KCND3: variants seen among roughly 807,000 people sequenced by gnomAD.
The protein encoded by KCND3 is A-type voltage-gated potassium channel KCND3.
Under a neutral mutation model 51.1 loss-of-function variants are expected in KCND3, and 9 were observed. The observed-to-expected ratio is 0.18, with a 90% confidence interval of 0.11 to 0.31. The LOEUF is 0.31. KCND3 is among the 10% of genes least tolerant of loss of function. KCND3 has a pLI of 1.00. For synonymous variants in KCND3, 349 were observed against 368.0 expected, an observed-to-expected ratio of 0.95 and a Z score of 0.59; for missense variants, 526 against 903.8, an observed-to-expected ratio of 0.58 and a Z score of 5.36.
intron 2 of KCND3, among the ~76,000 whole-genome samples, chr1:111,914,496 T>C (rs1671104586): frequency 6.6e-6 from 1 of 152,078 alleles, no homozygotes; most frequent in Admixed American, 6.6e-5. Context: ...TATAACCAAA[T>C]TGCTGAAAAC....
intron 2 of KCND3, among the ~76,000 whole-genome samples, chr1:111,810,191 G>C (rs1233202782): frequency 1.3e-5 from 2 of 152,018 alleles, no homozygotes; most frequent in South Asian, 4.1e-4. Flanking sequence ...CTGGGTGAGC[G>C]ACTGTGGCTC....
intron 2 of KCND3, among the ~76,000 whole-genome samples, chr1:111,971,569 A>C (rs1308535085): frequency 6.6e-6 from 1 of 151,660 alleles, no homozygotes; most frequent in African/African-American, 2.4e-5. Context: ...TCCCTGGCCA[A>C]TCTCATCTAT....
chr1:111,806,197 C>A (rs1665563333), intron 2 of KCND3, among the ~76,000 whole-genome samples: 2 of 152,206 alleles, frequency 1.3e-5, no homozygotes, highest in Non-Finnish European at 2.9e-5. Flanking sequence ...AAGGGGGGCA[C>A]ATCTTTTTCA....
chr1:111,971,087 G>A (rs1674301585), intron 2 of KCND3, among the ~76,000 whole-genome samples: 1 of 152,164 alleles, frequency 6.6e-6, no homozygotes, highest in Admixed American at 6.5e-5. Context: ...CAAGAACCAG[G>A]ACAGTGTCAC....
chr1:111,960,115 A>C (rs1413737270), intron 2 of KCND3, among the ~76,000 whole-genome samples: 2 of 152,076 alleles, frequency 1.3e-5, no homozygotes, highest in Non-Finnish European at 2.9e-5. Flanking sequence ...GCCATTCAGA[A>C]CTGTGAGTCA....
At chr1:111,908,253 T>C (rs563114608) in intron 2 of KCND3, among the ~76,000 whole-genome samples, 1 of 152,338 alleles carries the variant, frequency 6.6e-6, no homozygotes, top group African/African-American at 2.4e-5. Flanking sequence ...TCCTCACAAA[T>C]GCTTGCTTGT....
rs72694634 is a variant in KCND3 at position 111,963,489 on chromosome 1, T to C, written c.1106+18132A>G. Among the ~76,000 whole-genome samples, 790 of 152,364 alleles carry C rather than the reference T, an allele frequency of 5.2e-3. 7 individuals carry two copies. Among genetic ancestry groups the C allele is most frequent in the Non-Finnish European group, 7.0e-3 (475 of 68,036 alleles). ...ACCTGTAAAGTGGGGATGATAGTAATGCCTACTTGATAAGGGTTGCTGTGA... is the reference window on the plus strand; with the variant it reads ...ACCTGTAAAGTGGGGATGATAGTAACGCCTACTTGATAAGGGTTGCTGTGA... On this transcript the variant is annotated intron_variant, in intron 2 of 7. Coordinates refer to ENST00000302127, the MANE Select transcript of KCND3 (RefSeq NM_001378969.1).
At chr1:111,813,267 T>G (rs12401328) in intron 2 of KCND3, among the ~76,000 whole-genome samples, 12,415 of 152,200 alleles carry the variant, frequency 0.082, 876 homozygotes, top group African/African-American at 0.18. Flanking sequence ...AATTTCTGAT[T>G]CCAGCCTGAT....
At chr1:111,818,913 A>G (rs1436461450) in intron 2 of KCND3, among the ~76,000 whole-genome samples, 2 of 152,210 alleles carry the variant, frequency 1.3e-5, no homozygotes, top group Admixed American at 1.3e-4. Context: ...AGACCCAAGA[A>G]AAGAAAGAGG....
intron 2 of KCND3, among the ~76,000 whole-genome samples, chr1:111,850,108 C>T (rs1338385451): frequency 1.3e-5 from 2 of 152,200 alleles, no homozygotes; most frequent in Non-Finnish European, 1.5e-5. Flanking sequence ...CCACCTTTAA[C>T]TCTGTCCTTT....
intron 2 of KCND3, among the ~76,000 whole-genome samples, chr1:111,905,548 T>C (rs757385480): frequency 1.3e-5 from 2 of 152,094 alleles, no homozygotes; most frequent in Non-Finnish European, 2.9e-5. Flanking sequence ...CAGAACTCCC[T>C]GGGGGACAAT....
At chr1:111,936,129 A>G (rs1465523207) in intron 2 of KCND3, among the ~76,000 whole-genome samples, 1 of 152,232 alleles carries the variant, frequency 6.6e-6, no homozygotes, top group African/African-American at 2.4e-5. Flanking sequence ...TATGTATTTC[A>G]ATAATACTGC....
intron 2 of KCND3, among the ~76,000 whole-genome samples, chr1:111,844,810 C>T (rs1667476822): frequency 6.6e-6 from 1 of 152,192 alleles, no homozygotes; most frequent in South Asian, 2.1e-4. Context: ...CCTGTCAGAG[C>T]TAATCCTGCT....
rs1668722582 is a variant in KCND3, at chr1:111,869,143, A to T, written c.1107-82037T>A. On this transcript the variant is annotated intron_variant, in intron 2 of 7. Coordinates refer to ENST00000302127, the MANE Select transcript of KCND3 (RefSeq NM_001378969.1). ...CAAGTACCAGCAGTACTTGGCTAAA[A>T]TCAGAATGCTTCTTTCTCCCTTTCC... is the stretch of plus-strand genomic sequence containing the variant. Among the ~76,000 whole-genome samples, 3 of 152,172 alleles carry T rather than the reference A, an allele frequency of 2.0e-5. No individual in the cohort carries two copies. In the South Asian group the frequency reaches 6.2e-4, roughly 32 times the overall value.
chr1:111,793,949 C>T (rs951569333), intron 2 of KCND3, among the ~76,000 whole-genome samples: 3 of 152,176 alleles, frequency 2.0e-5, no homozygotes, highest in Non-Finnish European at 2.9e-5. Flanking sequence ...TAGTAAGGGA[C>T]GAGAAAGCCC....
chr1:111,785,349 G>A (rs1244243729), intron 3 of KCND3, among the ~76,000 whole-genome samples: 1 of 152,196 alleles, frequency 6.6e-6, no homozygotes, highest in Non-Finnish European at 1.5e-5. Context: ...TGCCTGACTT[G>A]AACAGGGAAA....
intron 2 of KCND3, among the ~76,000 whole-genome samples, chr1:111,834,482 A>G (rs1666985757): frequency 1.3e-5 from 2 of 152,218 alleles, no homozygotes; most frequent in Admixed American, 1.3e-4. Context: ...TGCTCTCTGT[A>G]CTTACTGAGA....
At chr1:111,888,673 C>T (rs1669677616) in intron 2 of KCND3, among the ~76,000 whole-genome samples, 1 of 108,610 alleles carries the variant, frequency 9.2e-6, no homozygotes, top group Non-Finnish European at 1.8e-5. Context: ...CAGAGTGACA[C>T]TCCATCTCAA....
intron 2 of KCND3, among the ~76,000 whole-genome samples, chr1:111,826,626 G>C (rs539046631): frequency 6.6e-6 from 1 of 152,240 alleles, no homozygotes; most frequent in Non-Finnish European, 1.5e-5. Flanking sequence ...ACTCACAGGT[G>C]GTTTACTATG....
Sources: gnomAD v4.1 joint callset for allele counts (sites outside exome capture counted in the v4.1 genomes callset) on GRCh38, gnomAD v4.1.1 for gene constraint, MANE v1.5 for transcripts, NCBI Gene and HGNC (gene_info 2026-07-23, HGNC 2026-07-21) for gene names.